Variants in SLIT2 observed in about 807,000 individuals in gnomAD.
SLIT2 encodes slit guidance ligand 2, also known as slit homolog 2 protein.
SLIT2 carries 41 observed loss-of-function variants against 185.7 expected under a neutral mutation model. That is an observed-to-expected ratio of 0.22 (90% CI 0.17 to 0.29). The LOEUF is 0.29. Ranked by LOEUF, SLIT2 falls within the 10% of genes least tolerant of loss-of-function variation. The pLI is 1.00. For synonymous variants in SLIT2, 693 were observed against 680.2 expected, an observed-to-expected ratio of 1.02 and a Z score of -0.29; for missense variants, 1,571 against 1,909.0, an observed-to-expected ratio of 0.82 and a Z score of 3.30.
intron 4 of SLIT2, among the ~76,000 whole-genome samples, chr4:20,345,424 A>G (rs1721304318): frequency 6.6e-6 from 1 of 151,898 alleles, no homozygotes; most frequent in African/African-American, 2.4e-5. Flanking sequence ...TTTTCCCTGC[A>G]GAAACCCTGC....
At chr4:20,275,709 T>C (rs1018384315) in intron 4 of SLIT2, among the ~76,000 whole-genome samples, 18 of 152,198 alleles carry the variant, frequency 1.2e-4, no homozygotes, top group African/African-American at 4.3e-4. Flanking sequence ...GCCAGGATAT[T>C]CTTAATGAGA....
chr4:20,552,621 C>G (rs899891188), intron 25 of SLIT2: 7 of 152,098 alleles, frequency 4.6e-5, no homozygotes, highest in Non-Finnish European at 1.0e-4. Context: ...GGGTTTGAAT[C>G]TGACATACAT....
In SLIT2 at chr4:20,520,925, C is replaced by A. The variant is rs952015323; in HGVS notation, c.1130+1472C>A. ...TCAGATTTTTCTAAGCTTTCCATTT[C>A]TGTTATTAAATATTGCTACTAATTT... On this transcript the variant is annotated intron_variant, in intron 12 of 36. Coordinates refer to ENST00000504154, the MANE Select transcript of SLIT2 (RefSeq NM_004787.4). Among the ~76,000 whole-genome samples, 23 of 152,126 alleles carry A rather than the reference C, an allele frequency of 1.5e-4. No individual in the cohort carries two copies. The East Asian group carries it at 3.1e-3, about 20-fold the overall frequency.
rs942045765 is a variant in SLIT2 at position 20,326,011 on chromosome 4, T to C, written c.395+57130T>C. The stretch of plus-strand genomic sequence containing the variant: ...GGCAGTGGCTTTTCTTAGTTAAGTG[T>C]TTCTAGTATATTCTTGTTCACCCCG... On this transcript the variant is annotated intron_variant, in intron 4 of 36. Transcript: ENST00000504154. Among the ~76,000 whole-genome samples, 4 of 152,116 alleles carry C rather than the reference T, an allele frequency of 2.6e-5. No homozygotes were observed. The South Asian group carries it at 8.3e-4, about 32-fold the overall frequency.
At chr4:20,587,241 A>G (rs1224316933) in intron 29 of SLIT2, among the ~76,000 whole-genome samples, 2 of 151,780 alleles carry the variant, frequency 1.3e-5, no homozygotes, top group Non-Finnish European at 2.9e-5. Context: ...CTGGTCTCGA[A>G]CTCCTGACCT....
At chr4:20,393,886 T>A (rs965399365) in intron 4 of SLIT2, among the ~76,000 whole-genome samples, 1 of 152,078 alleles carries the variant, frequency 6.6e-6, no homozygotes, top group South Asian at 2.1e-4. Flanking sequence ...ACTGGCTGTA[T>A]TGGTGATCAC....
intron 4 of SLIT2, among the ~76,000 whole-genome samples, chr4:20,411,177 A>C (rs1727232525): frequency 6.6e-6 from 1 of 152,082 alleles, no homozygotes; most frequent in Non-Finnish European, 1.5e-5. Context: ...TTTGTGAAAA[A>C]GCCTGATGTT....
intron 4 of SLIT2, among the ~76,000 whole-genome samples, chr4:20,297,120 C>T (rs536630754): frequency 6.6e-6 from 1 of 152,216 alleles, no homozygotes; most frequent in African/African-American, 2.4e-5. Flanking sequence ...GTATGCATTT[C>T]TTACTGTACT....
At chr4:20,337,918 C>T (rs1195110165) in intron 4 of SLIT2, among the ~76,000 whole-genome samples, 6 of 151,942 alleles carry the variant, frequency 3.9e-5, no homozygotes, top group Non-Finnish European at 7.4e-5. Flanking sequence ...CCACTAAATA[C>T]GCCAGATTTT....
chr4:20,318,449 C>A (rs1406396799), intron 4 of SLIT2, among the ~76,000 whole-genome samples: 1 of 152,158 alleles, frequency 6.6e-6, no homozygotes, highest in Non-Finnish European at 1.5e-5. Flanking sequence ...CAAGTGCAAG[C>A]ATTCAAACAC....
In SLIT2 at chr4:20,598,380, C is replaced by T; in HGVS notation, c.3677C>T (p.Ala1226Val). 2.5e-6 allele frequency: 4 copies of T among 1,614,084 alleles called. No homozygotes were observed. The highest frequency in any genetic ancestry group is 3.4e-6 in the Non-Finnish European group (4 of 1,179,960). The change falls in exon 33 of 37, where the codon GCT (alanine) becomes GTT (valine). Residue 1226 changes from alanine (A) to valine (V), a missense_variant. Ala to Val is a moderately conservative substitution (Grantham distance 64). Transcript: ENST00000504154. ...AGCTATGACACCGGCTCTCATCCAGCTTCTGCCATTTACAGGTGAAGATCT... is the reference window on the plus strand; with the variant it reads ...AGCTATGACACCGGCTCTCATCCAGTTTCTGCCATTTACAGGTGAAGATCT... Reference protein sequence around the residue: ...RASYDTGSHPASAIYSVETIN... With the variant: ...RASYDTGSHPVSAIYSVETIN...
chr4:20,471,316 T>C (rs903752222), intron 5 of SLIT2, among the ~76,000 whole-genome samples: 23 of 151,860 alleles, frequency 1.5e-4, no homozygotes, highest in African/African-American at 5.6e-4. Context: ...TAAAATATAT[T>C]ATAACTGAGG....
intron 4 of SLIT2, among the ~76,000 whole-genome samples, chr4:20,335,819 A>G (rs890953966): frequency 3.3e-5 from 5 of 152,210 alleles, no homozygotes; most frequent in Non-Finnish European, 7.3e-5. Flanking sequence ...GGCCATAGTC[A>G]TGGTAATACC....
chr4:20,347,508 G>T (rs7692874), intron 4 of SLIT2, among the ~76,000 whole-genome samples: 132,417 of 152,186 alleles, frequency 0.87, 57,797 homozygotes, highest in African/African-American at 0.93. Context: ...GGCACTGGGT[G>T]ACAGGCATCA....
chr4:20,297,850 T>C (rs1716639348), intron 4 of SLIT2, among the ~76,000 whole-genome samples: 1 of 152,150 alleles, frequency 6.6e-6, no homozygotes, highest in Admixed American at 6.5e-5. Flanking sequence ...CTTCATAATG[T>C]ATCTCATAAA....
At chr4:20,349,279 A>G (rs1450009994) in intron 4 of SLIT2, among the ~76,000 whole-genome samples, 1 of 152,188 alleles carries the variant, frequency 6.6e-6, no homozygotes, top group Non-Finnish European at 1.5e-5. Context: ...TGTTTGATAA[A>G]ATAATACATA....
At chr4:20,505,490 G>A (rs563423830) in intron 9 of SLIT2, among the ~76,000 whole-genome samples, 3 of 152,138 alleles carry the variant, frequency 2.0e-5, no homozygotes, top group South Asian at 2.1e-4. Flanking sequence ...TAATGTCTAC[G>A]AATTGAACGC....
chr4:20,372,302 T>G (rs145380769), intron 4 of SLIT2, among the ~76,000 whole-genome samples: 2,000 of 152,154 alleles, frequency 0.013, 19 homozygotes, highest in Non-Finnish European at 0.019. Flanking sequence ...GCTTCAAAAC[T>G]AGTTTTGTCT....
At chr4:20,316,265 T>C (rs1409301804) in intron 4 of SLIT2, among the ~76,000 whole-genome samples, 1 of 152,068 alleles carries the variant, frequency 6.6e-6, no homozygotes, top group African/African-American at 2.4e-5. Flanking sequence ...TAATTTTTAT[T>C]CTTCAGCCTA....
Sources: allele counts gnomAD v4.1 joint callset (sites outside exome capture counted in the v4.1 genomes callset), GRCh38; gene constraint gnomAD v4.1.1; transcripts MANE v1.5; gene names NCBI Gene and HGNC (gene_info 2026-07-23, HGNC 2026-07-21).